The following BRCA2 variants were observed in gnomAD, a reference collection of about 807,000 sequenced individuals.
BRCA2 encodes BRCA2 DNA repair associated.
BRCA2 carries 203 observed loss-of-function variants against 276.7 expected under a neutral mutation model. The ratio of observed to expected loss-of-function variants is 0.73; its 90% CI spans 0.65 to 0.82. The LOEUF (loss-of-function observed/expected upper bound fraction) is 0.82. BRCA2 is among the 40% of genes least tolerant of loss of function. The pLI is 0.00. For missense variants in BRCA2, 3,920 were observed against 3,915.0 expected, an observed-to-expected ratio of 1.00 and a Z score of -0.03; for synonymous variants, 1,289 against 1,338.4, an observed-to-expected ratio of 0.96 and a Z score of 0.81.
In BRCA2 at chr13:32,339,344, C is replaced by A. The variant is rs2137512491; in HGVS notation, c.4989C>A (p.Val1663=). The A allele has an allele frequency of 6.3e-7, 1 of 1,589,826 alleles. No homozygotes were observed. Among genetic ancestry groups the A allele is most frequent in the South Asian group, 1.2e-5 (1 of 86,272 alleles). The part of the protein sequence containing the change: ...TCYTNQSPYS[V]IENSALAFYT... The stretch of plus-strand genomic sequence containing the variant: ...ACACAAATCAGTCCCCTTATTCAGT[C>A]ATTGAAAATTCAGCCTTAGCTTTTT... The change falls in exon 11 of 27, where the codon GTC becomes GTA. Residue 1663 remains valine, a synonymous_variant. Transcript: ENST00000380152.
chr13:32,342,312 G>A (rs2072577638), intron 11 of BRCA2, among the ~76,000 whole-genome samples: 1 of 151,272 alleles, frequency 6.6e-6, no homozygotes, highest in Admixed American at 6.6e-5. Context: ...ACTTAGCAGT[G>A]AACTTGACAT....
chr13:32,345,817 A>G (rs2072607350), intron 12 of BRCA2, among the ~76,000 whole-genome samples: 1 of 152,058 alleles, frequency 6.6e-6, no homozygotes, highest in South Asian at 2.1e-4. Context: ...ATTGTGATCC[A>G]TCACATGAGG....
At chr13:32,327,927 A>C (rs542382057) in intron 7 of BRCA2, among the ~76,000 whole-genome samples, 1 of 152,030 alleles carries the variant, frequency 6.6e-6, no homozygotes, top group African/African-American at 2.4e-5. Context: ...CCATGCCACC[A>C]GTATACTACC....
chr13:32,351,227 C>T (rs1389519153), intron 13 of BRCA2, among the ~76,000 whole-genome samples: 3 of 152,144 alleles, frequency 2.0e-5, no homozygotes, highest in African/African-American at 7.2e-5. Context: ...TAACACTCAC[C>T]ACGAAGGTCT....
chr13:32,360,233 A>G (rs2072729445), intron 16 of BRCA2, among the ~76,000 whole-genome samples: 1 of 152,214 alleles, frequency 6.6e-6, no homozygotes, highest in Non-Finnish European at 1.5e-5. Flanking sequence ...CAACTGGAGT[A>G]GAGTGGGCAG....
chr13:32,395,029 G>T, intron 25 of BRCA2, 96 bp downstream of exon 25: 1 of 1,536,958 alleles, frequency 6.5e-7, no homozygotes, highest in Non-Finnish European at 8.9e-7. Context: ...TTGGATAGTT[G>T]AGGTAGTATG....
chr13:32,370,055 G>A (rs1381139092), intron 18 of BRCA2, among the ~76,000 whole-genome samples: 1 of 152,038 alleles, frequency 6.6e-6, no homozygotes, highest in Admixed American at 6.5e-5. Flanking sequence ...ATTCTCTCTA[G>A]TTGCCTTTGT....
In BRCA2 at chr13:32,339,766, T is replaced by C. The variant is rs370252983; in HGVS notation, c.5411T>C (p.Val1804Ala). 27 of 1,613,802 alleles carry C rather than the reference T, an allele frequency of 1.7e-5. No homozygotes were observed. In the South Asian group the frequency reaches 2.1e-4, roughly 12 times the overall value. The stretch of plus-strand genomic sequence containing the variant: ...GATGCAAATGCATACCCACAAACTG[T>C]AAATGAAGATATTTGCGTTGAGGAA... The part of the protein sequence containing the change: ...VKDANAYPQT[V>A]NEDICVEELV... The change falls in exon 11 of 27, where the codon GTA becomes GCA. Residue 1804 changes from valine (V) to alanine (A), a missense_variant. Transcript: ENST00000380152.
Position 32,389,051 on chromosome 13 carries a change from G to T in BRCA2, c.9257-5638G>T, listed in dbSNP as rs61946971. ...GATTCCATCTTGATTTATTTTTAGT[G>T]TTTTCAGGCATTTTTGTATTATTTT... On this transcript the variant is annotated intron_variant, in intron 24 of 26. Coordinates refer to ENST00000380152, the MANE Select transcript of BRCA2 (RefSeq NM_000059.4). Among the ~76,000 whole-genome samples, 388 of 152,140 alleles carry T rather than the reference G, an allele frequency of 2.6e-3. 1 individual carries two copies. Among genetic ancestry groups the T allele is most frequent in the Non-Finnish European group, 3.9e-3 (263 of 67,972 alleles).
At chr13:32,350,774 AAAAAT>A (rs775463723) in intron 13 of BRCA2, among the ~76,000 whole-genome samples, 12 of 152,150 alleles carry the variant, frequency 7.9e-5, no homozygotes, top group East Asian at 1.9e-4. Context: ...AACAAAATAA[AAAAAT>A]AAAATAAAAT....
At chr13:32,315,113 G>T (rs2072240967), upstream of BRCA2, among the ~76,000 whole-genome samples, 1 of 152,116 alleles carries the variant, frequency 6.6e-6, no homozygotes, top group South Asian at 2.1e-4. Flanking sequence ...GCTCGCTTTG[G>T]GGAACAGGTC....
chr13:32,335,919 T>G lies in BRCA2; in HGVS notation c.1910-346T>G, dbSNP rs11571650. On this transcript the variant is annotated intron_variant, in intron 10 of 26. Coordinates refer to ENST00000380152, the MANE Select transcript of BRCA2 (RefSeq NM_000059.4). ...ATTTTTTAGAGACTGTCTCATTCTG[T>G]TACCTAGTCTGGAGTGCACTAGTGT... Among the ~76,000 whole-genome samples, 6,236 of 152,278 alleles carry G rather than the reference T, an allele frequency of 0.041. 218 individuals carry two copies. The highest frequency in any genetic ancestry group is 0.11 in the South Asian group (553 of 4,826).
At chr13:32,352,005 G>T (rs954518159) in intron 13 of BRCA2, among the ~76,000 whole-genome samples, 2 of 152,072 alleles carry the variant, frequency 1.3e-5, no homozygotes, top group African/African-American at 4.8e-5. Context: ...GTTTCACCGT[G>T]TTAGCCAGGA....
chr13:32,355,049 C>T lies in BRCA2; in HGVS notation c.7196C>T (p.Thr2399Ile), dbSNP rs786202614. ...GAAAAAATGAGACACTTGATTACTA[C>T]AGGCAGACCAACCAAAGTCTTTGTT... ...RNEKMRHLIT[T>I]GRPTKVFVPP... The change falls in exon 14 of 27, where the codon ACA becomes ATA. Residue 2399 changes from threonine to isoleucine, a missense_variant. Physicochemically the swap from Thr to Ile is moderately conservative, Grantham distance 89 (BLOSUM62 -1). Transcript: ENST00000380152. 6.2e-7 allele frequency: 1 copy of T among 1,613,924 alleles called. No homozygotes were observed. The highest frequency in any genetic ancestry group is 1.3e-5 in the African/African-American group (1 of 74,930).
At chr13:32,357,955 T>C in intron 16 of BRCA2, 26 bp downstream of exon 16, 1 of 1,604,560 alleles carries the variant, frequency 6.2e-7, no homozygotes, top group Non-Finnish European at 8.5e-7. Flanking sequence ...AGATTGTGTG[T>C]TAACTTTTAT....
At position 32,395,960 on chromosome 13, in the gene BRCA2, C is replaced by CTTTTTTTTTTTTTTTTTTT. The variant is rs397838402; in HGVS notation, c.9502-928_9502-910dup. The CTTTTTTTTTTTTTTTTTTT allele has an allele frequency of 5.3e-4, 42 of 79,198 alleles. 7 individuals carry two copies. Among genetic ancestry groups the CTTTTTTTTTTTTTTTTTTT allele is most frequent in the Admixed American group, 6.4e-4 (3 of 4,710 alleles). 4.9% of individuals were successfully genotyped at this position (79,198 alleles called of 1,614,324 possible). A position where few individuals can be genotyped will look rare whatever the true frequency, so the allele number is the denominator to read the frequency against. Reference sequence around the variant, plus strand: ...CCACATTTTCTTTTTTTCTTTCTTTCTTTTTTTTTTTTTTTTTTTTTTTTT... The same window carrying CTTTTTTTTTTTTTTTTTTT: ...CCACATTTTCTTTTTTTCTTTCTTTCTTTTTTTTTTTTTTTTTTTTTTTTTTTTTTTTTTTTTTTTTTTT... On this transcript the variant is annotated intron_variant, in intron 25 of 26. Coordinates refer to ENST00000380152, the MANE Select transcript of BRCA2 (RefSeq NM_000059.4).
At chr13:32,325,548 G>GTT (rs61508122) in intron 4 of BRCA2, among the ~76,000 whole-genome samples, 20 of 135,972 alleles carry the variant, frequency 1.5e-4, no homozygotes, top group East Asian at 6.3e-4. Context: ...TTTTTTTTTT[G>GTT]TTTTTTTTTT....
intron 11 of BRCA2, among the ~76,000 whole-genome samples, chr13:32,342,011 C>T (rs1031721654): frequency 1.3e-5 from 2 of 152,070 alleles, no homozygotes; most frequent in African/African-American, 4.8e-5. Context: ...GGCGCTCATG[C>T]CTGTAATCCC....
rs4942505 is a variant in BRCA2 at position 32,389,570 on chromosome 13, C to T, written c.9257-5119C>T. ...GATATAGAATTTGTAGTTGATAATT[C>T]TTTCTTTCAGTACTTGAAAAATATT... On this transcript the variant is annotated intron_variant, in intron 24 of 26. Coordinates refer to ENST00000380152, the MANE Select transcript of BRCA2 (RefSeq NM_000059.4). 0.53 allele frequency among the ~76,000 whole-genome samples: 80,757 copies of T among 152,068 alleles called. 21,540 individuals are homozygous for T. Among genetic ancestry groups the T allele is most frequent in the East Asian group, 0.57 (2,952 of 5,180 alleles).
Sources: gnomAD v4.1 joint callset for allele counts (sites outside exome capture counted in the v4.1 genomes callset) on GRCh38, gnomAD v4.1.1 for gene constraint, MANE v1.5 for transcripts, NCBI Gene and HGNC (gene_info 2026-07-23, HGNC 2026-07-21) for gene names.